The following WDR70 variants were observed in gnomAD, a reference collection of about 807,000 sequenced individuals.
WDR70 encodes the protein WD repeat-containing protein 70.
WDR70 carries 53 observed loss-of-function variants against 88.6 expected under a neutral mutation model. That is an observed-to-expected ratio of 0.60 (90% CI 0.48 to 0.75). The LOEUF (loss-of-function observed/expected upper bound fraction) is 0.75. Among genes scored for constraint, WDR70 ranks in the 30% least tolerant of loss-of-function variants. The pLI, the probability that WDR70 is intolerant of heterozygous loss-of-function variation, is 0.00. For synonymous variants in WDR70, 280 were observed against 270.0 expected (o/e 1.04, Z -0.36); for missense variants, 610 against 823.2 (o/e 0.74, Z 3.17).
chr5:37,589,249 T>TATACACACAC (rs770022306), intron 9 of WDR70, among the ~76,000 whole-genome samples: 1 of 140,102 alleles, frequency 7.1e-6, no homozygotes, highest in Non-Finnish European at 1.5e-5. Context: ...CCTACACACA[T>TATACACACAC]ACACACACAC....
At chr5:37,651,607 A>G (rs1256594739) in intron 10 of WDR70, among the ~76,000 whole-genome samples, 4 of 152,346 alleles carry the variant, frequency 2.6e-5, no homozygotes, top group African/African-American at 9.6e-5. Flanking sequence ...ATTTCTCCAC[A>G]TCCTCTCCAG....
At chr5:37,596,206 T>C (rs1269352207) in intron 9 of WDR70, among the ~76,000 whole-genome samples, 2 of 152,124 alleles carry the variant, frequency 1.3e-5, no homozygotes, top group East Asian at 3.9e-4. Flanking sequence ...AAGAAAGGGC[T>C]AGGGAAACAG....
At chr5:37,692,321 T>C (rs1746821971) in intron 10 of WDR70, among the ~76,000 whole-genome samples, 1 of 152,194 alleles carries the variant, frequency 6.6e-6, no homozygotes, top group African/African-American at 2.4e-5. Context: ...CTTCTGGAAC[T>C]ATTACAATCA....
At chr5:37,512,867 G>C (rs1740762320) in intron 8 of WDR70, among the ~76,000 whole-genome samples, 1 of 152,098 alleles carries the variant, frequency 6.6e-6, no homozygotes, top group African/African-American at 2.4e-5. Context: ...TTACTGGCAT[G>C]TGGCACCGCA....
intron 9 of WDR70, among the ~76,000 whole-genome samples, chr5:37,580,100 T>G (rs1458586089): frequency 1.3e-5 from 2 of 152,318 alleles, no homozygotes; most frequent in Non-Finnish European, 2.9e-5. Context: ...AACTCAAATA[T>G]TCCTGATATC....
At position 37,651,970 on chromosome 5, in the gene WDR70, C is replaced by T. The variant is rs549952697; in HGVS notation, c.1093-45685C>T. Among the ~76,000 whole-genome samples the T allele has an allele frequency of 3.3e-5, 5 of 152,106 alleles. 1 individual carries two copies. In the East Asian group the frequency reaches 9.7e-4, roughly 29 times the overall value. On this transcript the variant is annotated intron_variant, in intron 10 of 17. Transcript: ENST00000265107. ...GAAGCTCTTTAGTTTAATTAAATCC[C>T]GTTTATCAATTTTGGCTTTTGGTGT...
intron 10 of WDR70, among the ~76,000 whole-genome samples, chr5:37,684,190 C>T (rs1746516320): frequency 6.6e-6 from 1 of 152,036 alleles, no homozygotes; most frequent in Non-Finnish European, 1.5e-5. Flanking sequence ...TCTGTCAGTT[C>T]CTGTATCATT....
chr5:37,700,918 C>G (rs1471139650), intron 11 of WDR70, 140 bp from the exon 12 acceptor site: 3 of 564,136 alleles, frequency 5.3e-6, no homozygotes, highest in Non-Finnish European at 9.4e-6. Flanking sequence ...TTCTTCCTTT[C>G]TTTCTTCTCT....
At chr5:37,548,132 T>C (rs1742046153) in intron 9 of WDR70, among the ~76,000 whole-genome samples, 2 of 152,204 alleles carry the variant, frequency 1.3e-5, no homozygotes, top group Admixed American at 1.3e-4. Context: ...CTCTTTGATA[T>C]TCTGATTTCC....
intron 10 of WDR70, among the ~76,000 whole-genome samples, chr5:37,677,574 G>A (rs1292231775): frequency 1.3e-5 from 2 of 152,152 alleles, no homozygotes; most frequent in African/African-American, 4.8e-5. Flanking sequence ...CTGAGTTCTA[G>A]TTTGATTGCA....
At chr5:37,677,800 C>G (rs1479757940) in intron 10 of WDR70, among the ~76,000 whole-genome samples, 1 of 152,100 alleles carries the variant, frequency 6.6e-6, no homozygotes, top group Admixed American at 6.6e-5. Context: ...TGTTAACTTT[C>G]TGTCTCGATC....
chr5:37,528,933 T>C (rs1732617229), intron 9 of WDR70, among the ~76,000 whole-genome samples: 1 of 143,632 alleles, frequency 7.0e-6, no homozygotes, highest in East Asian at 2.1e-4. Flanking sequence ...TGATGTTATC[T>C]TGTAGAATCT....
chr5:37,499,729 A>G (rs906291766), intron 8 of WDR70, among the ~76,000 whole-genome samples: 76 of 148,822 alleles, frequency 5.1e-4, no homozygotes, highest in African/African-American at 1.9e-3. Flanking sequence ...AATGTTTTGT[A>G]TTTTTTATAG....
intron 6 of WDR70, among the ~76,000 whole-genome samples, chr5:37,441,894 G>A (rs1443444256): frequency 6.6e-6 from 1 of 152,080 alleles, no homozygotes; most frequent in Non-Finnish European, 1.5e-5. Flanking sequence ...TATTCCTAAT[G>A]CAGTTCTTTT....
intron 5 of WDR70, among the ~76,000 whole-genome samples, chr5:37,410,620 G>T (rs563265443): frequency 4.6e-5 from 7 of 152,002 alleles, no homozygotes; most frequent in African/African-American, 1.2e-4. Context: ...TGTATGAAAG[G>T]TATGGTAGTT....
intron 17 of WDR70, among the ~76,000 whole-genome samples, chr5:37,742,045 A>G (rs891645318): frequency 6.6e-6 from 1 of 152,198 alleles, no homozygotes; most frequent in Non-Finnish European, 1.5e-5. Context: ...GCTCTTGTGA[A>G]TAATGCTGCC....
intron 8 of WDR70, among the ~76,000 whole-genome samples, chr5:37,503,548 C>G (rs1740466802): frequency 6.6e-6 from 1 of 152,166 alleles, no homozygotes; most frequent in Non-Finnish European, 1.5e-5. Context: ...TGTTAGTTTT[C>G]TAAGGATAAT....
intron 7 of WDR70, among the ~76,000 whole-genome samples, chr5:37,468,405 C>G (rs1739227505): frequency 1.3e-5 from 2 of 151,980 alleles, no homozygotes; most frequent in African/African-American, 2.4e-5. Flanking sequence ...ATATATATTC[C>G]TACCACATGG....
chr5:37,496,672 C>G (rs1740225907), intron 8 of WDR70, among the ~76,000 whole-genome samples: 2 of 152,170 alleles, frequency 1.3e-5, no homozygotes, highest in African/African-American at 4.8e-5. Context: ...AGTAAAAGAT[C>G]TGCTTTCTGG....
Sources: gnomAD v4.1 joint callset for allele counts (sites outside exome capture counted in the v4.1 genomes callset) on GRCh38, gnomAD v4.1.1 for gene constraint, MANE v1.5 for transcripts, NCBI Gene and HGNC (gene_info 2026-07-23, HGNC 2026-07-21) for gene names.